The following ZNF365 variants were observed in gnomAD, a reference collection of about 807,000 sequenced individuals.
The protein encoded by ZNF365 is zinc finger protein 365, also known as protein ZNF365.
In ZNF365, 22 loss-of-function variants were observed where a neutral mutation model predicts 35.0. That is an observed-to-expected ratio of 0.63 (90% CI 0.45 to 0.90). The LOEUF is 0.90. ZNF365 is among the 40% of genes least tolerant of loss of function. The pLI, the probability that ZNF365 is intolerant of heterozygous loss-of-function variation, is 0.00. For synonymous variants in ZNF365, 188 were observed against 196.2 expected, an observed-to-expected ratio of 0.96 and a Z score of 0.35; for missense variants, 448 against 500.3, an observed-to-expected ratio of 0.90 and a Z score of 1.00.
intron 4 of ZNF365, among the ~76,000 whole-genome samples, chr10:62,471,316 A>G (rs1020217707): frequency 2.4e-4 from 35 of 148,898 alleles, no homozygotes; most frequent in African/African-American, 8.3e-4. Flanking sequence ...CAGTGAGCCG[A>G]GATTGTGCCA....
intron 3 of ZNF365, among the ~76,000 whole-genome samples, chr10:62,416,593 T>G (rs80277050): frequency 0.025 from 3,732 of 152,206 alleles, 158 homozygotes; most frequent in African/African-American, 0.085. Context: ...CTATTCATGT[T>G]GAATCTTATT....
intron 3 of ZNF365, among the ~76,000 whole-genome samples, chr10:62,428,159 G>A (rs1035441844): frequency 6.6e-6 from 1 of 152,162 alleles, no homozygotes; most frequent in African/African-American, 2.4e-5. Flanking sequence ...ACTATTGTGA[G>A]GTTGGAAATA....
intron 4 of ZNF365, among the ~76,000 whole-genome samples, chr10:62,461,327 G>C (rs368482275): frequency 6.6e-6 from 1 of 152,218 alleles, no homozygotes; most frequent in East Asian, 1.9e-4. Flanking sequence ...GATTTTTCCA[G>C]GACTGCCCCC....
intron 4 of ZNF365, among the ~76,000 whole-genome samples, chr10:62,460,950 A>G (rs1179087781): frequency 6.6e-6 from 1 of 152,186 alleles, no homozygotes; most frequent in African/African-American, 2.4e-5. Context: ...AAGGAGGGTC[A>G]CGCCCCCACA....
Position 62,400,926 on chromosome 10 carries a change from A to G in ZNF365, c.*1137A>G. 1.0e-6 allele frequency: 1 copy of G among 985,528 alleles called. No individual in the cohort carries two copies. The highest frequency in any genetic ancestry group is 1.2e-6 in the Non-Finnish European group (1 of 829,924). 61.0% of individuals were successfully genotyped at this position (985,528 alleles called of 1,614,324 possible). ...CAATGCATGTAGGAGCCAGAATCTG[A>G]CACTGTCTTCCCCTCCTTCCCTCCC... is the stretch of plus-strand genomic sequence containing the variant. On this transcript the variant is annotated 3_prime_UTR_variant, in exon 5 of 5. Coordinates refer to ENST00000395254, the MANE Select transcript of ZNF365 (RefSeq NM_014951.3).
chr10:62,464,331 AC>A (rs1301535978), intron 4 of ZNF365, among the ~76,000 whole-genome samples: 1 of 152,092 alleles, frequency 6.6e-6, no homozygotes, highest in Non-Finnish European at 1.5e-5. Context: ...CTCTCAAAAC[AC>A]CCCATCCTAT....
intron 2 of ZNF365, among the ~76,000 whole-genome samples, chr10:62,378,325 A>G (rs1323740063): frequency 6.6e-6 from 1 of 152,244 alleles, no homozygotes; most frequent in Non-Finnish European, 1.5e-5. Flanking sequence ...AGTGAGTTTA[A>G]AAGGCAACAA....
At chr10:62,399,434 G>A in intron 4 of ZNF365, 94 bp from the exon 5 acceptor site, 1 of 1,523,600 alleles carries the variant, frequency 6.6e-7, no homozygotes, top group African/African-American at 1.4e-5. Flanking sequence ...GCATGTAGGA[G>A]AGATTGTGCC....
chr10:62,417,192 C>T (rs987833126), intron 3 of ZNF365, among the ~76,000 whole-genome samples: 5 of 152,046 alleles, frequency 3.3e-5, no homozygotes, highest in Non-Finnish European at 5.9e-5. Context: ...ACATGTGATT[C>T]TTTCTCCTTA....
chr10:62,479,471 T>C (rs1387090007), intron 4 of ZNF365, among the ~76,000 whole-genome samples: 1 of 152,246 alleles, frequency 6.6e-6, no homozygotes, highest in African/African-American at 2.4e-5. Flanking sequence ...AATAGAAATC[T>C]TGCCCCATAC....
chr10:62,426,960 C>G (rs1450868752), intron 3 of ZNF365, among the ~76,000 whole-genome samples: 1 of 152,112 alleles, frequency 6.6e-6, no homozygotes, highest in African/African-American at 2.4e-5. Context: ...TGTAAAATGT[C>G]AAGACATCGT....
Position 62,400,600 on chromosome 10 carries a change from G to C in ZNF365, c.*811G>C, listed in dbSNP as rs933515338. ...TTGATTAGCACCCAGCATGGGCTGG[G>C]TGGCTAGGTGGTTGGAATGACAGTG... On this transcript the variant is annotated 3_prime_UTR_variant, in exon 5 of 5. Transcript: ENST00000395254. 1.0e-6 allele frequency: 1 copy of C among 985,986 alleles called. No homozygotes were observed. Among genetic ancestry groups the C allele is most frequent in the Non-Finnish European group, 1.2e-6 (1 of 829,960 alleles). The allele number at this position is 985,986 out of a possible 1,614,324, so 61.1% of individuals were successfully genotyped here.
chr10:62,458,190 T>A lies in ZNF365; in HGVS notation c.925-1551T>A, dbSNP rs570752812. ...CATTCCTGAGTTCTGAATCTGTTCA[T>A]GTCCAACGTGAAGATTCCCCAAGGC... On this transcript the variant is annotated intron_variant, in intron 3 of 4. Coordinates refer to the ZNF365 transcript ENST00000395255. Among the ~76,000 whole-genome samples the A allele has an allele frequency of 5.9e-5, 9 of 152,320 alleles. No homozygotes were observed. In the South Asian group the frequency reaches 1.9e-3, roughly 32 times the overall value.
At chr10:62,430,553 A>C (rs953811813) in intron 3 of ZNF365, among the ~76,000 whole-genome samples, 2 of 152,216 alleles carry the variant, frequency 1.3e-5, no homozygotes, top group African/African-American at 4.8e-5. Flanking sequence ...GAAGTTTAAT[A>C]ACATAATAAA....
intron 4 of ZNF365, chr10:62,459,828 G>T: frequency 1.3e-6 from 2 of 1,587,998 alleles, no homozygotes; most frequent in Non-Finnish European, 1.7e-6. Flanking sequence ...GGTGGGTTGG[G>T]CCTGGTTACA....
intron 3 of ZNF365, among the ~76,000 whole-genome samples, chr10:62,452,992 AT>A (rs528093402): frequency 1.8e-4 from 28 of 152,348 alleles, no homozygotes; most frequent in Admixed American, 1.6e-3. Context: ...TATTGGTAAC[AT>A]TTTTTTAAAT....
chr10:62,447,893 C>A (rs1244955891), intron 3 of ZNF365, among the ~76,000 whole-genome samples: 1 of 152,156 alleles, frequency 6.6e-6, no homozygotes, highest in Admixed American at 6.6e-5. Flanking sequence ...GGGTAAGGGA[C>A]CCAAGCTACT....
At chr10:62,470,711 G>A (rs142295554) in intron 4 of ZNF365, among the ~76,000 whole-genome samples, 21 of 152,234 alleles carry the variant, frequency 1.4e-4, no homozygotes, top group African/African-American at 4.6e-4. Flanking sequence ...ATTTCATTTT[G>A]TATTTTCTTG....
chr10:62,405,630 G>A (rs1042762194), downstream of ZNF365, among the ~76,000 whole-genome samples: 5 of 152,158 alleles, frequency 3.3e-5, no homozygotes, highest in Non-Finnish European at 5.9e-5. Flanking sequence ...AGTTATAGAC[G>A]TTGCCACTCT....
Sources: allele counts gnomAD v4.1 joint callset (sites outside exome capture counted in the v4.1 genomes callset), GRCh38; gene constraint gnomAD v4.1.1; transcripts MANE v1.5; gene names NCBI Gene and HGNC (gene_info 2026-07-23, HGNC 2026-07-21).